Variants in MARCHF7 observed in about 807,000 individuals in gnomAD.
The protein encoded by MARCHF7 is E3 ubiquitin-protein ligase MARCHF7.
A neutral mutation model predicts 76.5 loss-of-function variants in MARCHF7; 20 were observed. The observed-to-expected ratio is 0.26, with a 90% CI of 0.18 to 0.38. The LOEUF is 0.38. Among genes scored for constraint, MARCHF7 ranks in the 10% least tolerant of loss-of-function variants. The pLI is 1.00. For synonymous variants in MARCHF7, 295 were observed against 293.0 expected (o/e 1.01, Z -0.07); for missense variants, 797 against 812.9 (o/e 0.98, Z 0.24).
In MARCHF7 at chr2:159,770,900, C is replaced by CTGTT. The variant is rs2125787236; in HGVS notation, c.*3560_*3563dup. ...GAAATTTATACATTCTTTATCTTTC[C>CTGTT]TGTTTTTGGTTTATTGATGGTGAGG... On this transcript the variant is annotated 3_prime_UTR_variant, in exon 12 of 12. Transcript: ENST00000409175. 1 of 152,168 alleles carries CTGTT rather than the reference C, an allele frequency of 6.6e-6. No homozygotes were observed. Among genetic ancestry groups the CTGTT allele is most frequent in the South Asian group, 2.1e-4 (1 of 4,830 alleles). The allele number at this position is 152,168 out of a possible 1,614,324, so 9.4% of individuals were successfully genotyped here. A position where few individuals can be genotyped will look rare whatever the true frequency, so the allele number is the denominator to read the frequency against.
intron 9 of MARCHF7, among the ~76,000 whole-genome samples, chr2:159,761,916 G>A (rs1326069692): frequency 3.3e-5 from 5 of 152,198 alleles, no homozygotes; most frequent in African/African-American, 1.2e-4. Flanking sequence ...ACTGTGGGGG[G>A]AAAAGAGAAA....
intron 11 of MARCHF7, among the ~76,000 whole-genome samples, chr2:159,765,006 T>A (rs1707594601): frequency 6.6e-6 from 1 of 152,156 alleles, no homozygotes; most frequent in Non-Finnish European, 1.5e-5. Context: ...TTTCTTAATC[T>A]GTTAGGATTT....
chr2:159,718,830 A>G (rs959392391), intron 3 of MARCHF7, among the ~76,000 whole-genome samples: 5 of 152,094 alleles, frequency 3.3e-5, no homozygotes, highest in Admixed American at 6.6e-5. Context: ...AGAGTGCCAA[A>G]TAGAAGGTAC....
chr2:159,746,844 A>G (rs1704957779), intron 6 of MARCHF7, among the ~76,000 whole-genome samples: 3 of 152,220 alleles, frequency 2.0e-5, no homozygotes, highest in Admixed American at 2.0e-4. Context: ...TTAAAGGTTT[A>G]GGTTATTTTA....
At chr2:159,749,875 G>C (rs1187299123) in intron 7 of MARCHF7, among the ~76,000 whole-genome samples, 1 of 152,116 alleles carries the variant, frequency 6.6e-6, no homozygotes, top group Admixed American at 6.5e-5. Context: ...TTAGTAAGAG[G>C]AACTGGATGA....
At chr2:159,713,180 A>G (rs11690372) in intron 1 of MARCHF7, among the ~76,000 whole-genome samples, 2,227 of 152,254 alleles carry the variant, frequency 0.015, 34 homozygotes, top group Middle Eastern at 0.075. Context: ...CCTGAGAGTT[A>G]TTTTTGTGTT....
rs975315745 is a variant in MARCHF7, at chr2:159,768,243, T to C, written c.*901T>C. On this transcript the variant is annotated 3_prime_UTR_variant, in exon 12 of 12. Coordinates refer to ENST00000409175, the MANE Select transcript of MARCHF7 (RefSeq NM_001282805.2). Reference sequence around the variant, plus strand: ...TAACCTGTTTGGATCCTGGTCCTTTTTAACTGTTCCTTGGTAATTCTGAGC... The same window carrying C: ...TAACCTGTTTGGATCCTGGTCCTTTCTAACTGTTCCTTGGTAATTCTGAGC... 7 of 152,570 alleles carry C rather than the reference T, an allele frequency of 4.6e-5. No individual in the cohort carries two copies. The highest frequency in any genetic ancestry group is 1.7e-4 in the African/African-American group (7 of 41,456). The allele number at this position is 152,570 out of a possible 1,614,324, so 9.5% of individuals were successfully genotyped here. A position where few individuals can be genotyped will look rare whatever the true frequency, so the allele number is the denominator to read the frequency against.
In MARCHF7 at chr2:159,764,653, G is replaced by A. The variant is rs779836024; in HGVS notation, c.2035G>A (p.Ala679Thr). Reference protein sequence around the residue: ...RFINLARTLQAHMEDLETSED... With the variant: ...RFINLARTLQTHMEDLETSED... ...TATTAACCTTGCAAGAACTCTTCAG[G>A]CACATATGGAAGATCTCGAAAGTAG... is the stretch of plus-strand genomic sequence containing the variant. The change falls in exon 11 of 12, where the codon GCA becomes ACA. Residue 679 changes from alanine to threonine, a missense_variant. Physicochemically the swap from Ala to Thr is moderately conservative, Grantham distance 58. Transcript: ENST00000409175. 1 of 1,603,428 alleles carries A rather than the reference G, an allele frequency of 6.2e-7. No homozygotes were observed. The highest frequency in any genetic ancestry group is 8.5e-7 in the Non-Finnish European group (1 of 1,175,352).
At chr2:159,726,287 G>A (rs916787904) in intron 3 of MARCHF7, among the ~76,000 whole-genome samples, 2 of 150,732 alleles carry the variant, frequency 1.3e-5, no homozygotes, top group African/African-American at 4.9e-5. Context: ...TTTTGATACC[G>A]AGTCTCGCTC....
At chr2:159,764,516 T>A in intron 10 of MARCHF7, 110 bp from the exon 11 acceptor site, 5 of 743,436 alleles carry the variant, frequency 6.7e-6, no homozygotes, top group Non-Finnish European at 1.0e-5. Context: ...ATTTAAAGGC[T>A]TAAACTGATG....
rs759507629 is a variant in MARCHF7, at chr2:159,752,576, G to C, written c.1783+5G>C. ...TACAGGCCAAAATTAACTCTGGTAAGATTTACCCTTTTGTGTTTTCACAAT... is the reference window on the plus strand; with the variant it reads ...TACAGGCCAAAATTAACTCTGGTAACATTTACCCTTTTGTGTTTTCACAAT... On this transcript the variant is annotated splice_donor_5th_base_variant and intron_variant, in intron 8 of 11. Transcript: ENST00000409175. The C allele has an allele frequency of 8.0e-6, 12 of 1,491,676 alleles. No individual in the cohort carries two copies. Among genetic ancestry groups the C allele is most frequent in the Non-Finnish European group, 1.1e-5 (12 of 1,117,476 alleles). The allele number at this position is 1,491,676 out of a possible 1,614,324, so 92.4% of individuals were successfully genotyped here. A position where few individuals can be genotyped will look rare whatever the true frequency, so the allele number is the denominator to read the frequency against.
chr2:159,736,766 A>G (rs1186645585), intron 4 of MARCHF7, among the ~76,000 whole-genome samples: 1 of 152,224 alleles, frequency 6.6e-6, no homozygotes, highest in African/African-American at 2.4e-5. Flanking sequence ...TGAAAATTGG[A>G]TGCCTGCTAG....
At chr2:159,763,020 G>T in intron 10 of MARCHF7, 27 bp downstream of exon 10, 2 of 1,493,728 alleles carry the variant, frequency 1.3e-6, no homozygotes, top group South Asian at 1.1e-5. Flanking sequence ...TTGGGGAGAG[G>T]GAGGGTATGA....
intron 7 of MARCHF7, among the ~76,000 whole-genome samples, chr2:159,749,204 C>T (rs1705298134): frequency 6.6e-6 from 1 of 152,018 alleles, no homozygotes; most frequent in African/African-American, 2.4e-5. Context: ...TCTCAAACTC[C>T]TGACCTTAGG....
chr2:159,741,582 A>T (rs528751267), intron 4 of MARCHF7, among the ~76,000 whole-genome samples: 1 of 152,222 alleles, frequency 6.6e-6, no homozygotes, highest in East Asian at 1.9e-4. Context: ...TGTTACCTGT[A>T]CTGTAGAGCT....
intron 3 of MARCHF7, among the ~76,000 whole-genome samples, chr2:159,719,400 C>T (rs1024925426): frequency 6.6e-6 from 1 of 151,948 alleles, no homozygotes; most frequent in African/African-American, 2.4e-5. Flanking sequence ...ACCACCCCGC[C>T]CACTCCCAAT....
intron 3 of MARCHF7, among the ~76,000 whole-genome samples, chr2:159,720,173 G>A (rs187494322): frequency 1.3e-4 from 20 of 152,184 alleles, no homozygotes; most frequent in Non-Finnish European, 1.3e-4. Flanking sequence ...TTACAGGAAC[G>A]CAACACCATG....
Position 159,747,899 on chromosome 2 carries a change from C to T in MARCHF7, c.609C>T (p.His203=), listed in dbSNP as rs199693234. 1.2e-6 allele frequency: 2 copies of T among 1,614,118 alleles called. No individual in the cohort carries two copies. Among genetic ancestry groups the T allele is most frequent in the African/African-American group, 1.3e-5 (1 of 75,040 alleles). The change falls in exon 7 of 12, where the codon CAC becomes CAT. Residue 203 remains histidine, a synonymous_variant. Transcript: ENST00000409175. ...AGTTGAATACATCATCCACAAACCA[C>T]CAATTGCCTTCTGAACATCAGACCA... ...TLQLNTSSTN[H]QLPSEHQTIL... is the part of the protein sequence containing the mutation.
In MARCHF7 at chr2:159,712,539, C is replaced by G. The variant is rs1349403261; in HGVS notation, c.-210C>G. On this transcript the variant is annotated 5_prime_UTR_variant, in exon 1 of 12. Transcript: ENST00000409175. The stretch of plus-strand genomic sequence containing the variant: ...GCCGGATCCGGGAGAGGGGCGGGCG[C>G]CATTGTGCTTCGCTGCCGACTGCAT... 1 of 152,638 alleles carries G rather than the reference C, an allele frequency of 6.6e-6. No homozygotes were observed. The highest frequency in any genetic ancestry group is 1.9e-4 in the East Asian group (1 of 5,148). 9.5% of individuals were successfully genotyped at this position (152,638 alleles called of 1,614,324 possible). A position where few individuals can be genotyped will look rare whatever the true frequency, so the allele number is the denominator to read the frequency against.
Sources: gnomAD v4.1 joint callset for allele counts (sites outside exome capture counted in the v4.1 genomes callset) on GRCh38, gnomAD v4.1.1 for gene constraint, MANE v1.5 for transcripts, NCBI Gene and HGNC (gene_info 2026-07-23, HGNC 2026-07-21) for gene names.